PCLO: variants seen among roughly 807,000 people sequenced by gnomAD.
PCLO encodes the protein protein piccolo.
Under a neutral mutation model 427.5 loss-of-function variants are expected in PCLO, and 82 were observed. The ratio of observed to expected loss-of-function variants is 0.19; its 90% CI spans 0.16 to 0.23. The LOEUF is 0.23. Ranked by LOEUF, PCLO falls within the 10% of genes least tolerant of loss-of-function variation. The probability of loss-of-function intolerance (pLI) is 1.00; values close to 1 mark genes in which losing one functional copy is unlikely to be tolerated. For missense variants in PCLO, 6,239 were observed against 6,115.9 expected (o/e 1.02, Z -0.67); for synonymous variants, 2,357 against 2,155.4 (o/e 1.09, Z -2.59).
At position 83,042,613 on chromosome 7, in the gene PCLO, C is replaced by A. The variant is rs369650645; in HGVS notation, c.3301-76126G>T. On this transcript the variant is annotated intron_variant, in intron 3 of 24. Transcript: ENST00000333891. ...CGGTGGCTCAAGCCTGTAATCCCAG[C>A]ACTTTGGGAGGCAGAGGTGGGTGGA... Among the ~76,000 whole-genome samples, 8 of 152,126 alleles carry A rather than the reference C, an allele frequency of 5.3e-5. No individual in the cohort carries two copies. In the East Asian group the frequency reaches 7.7e-4, roughly 15 times the overall value.
At chr7:83,153,311 T>A (rs1792185115) in intron 2 of PCLO, among the ~76,000 whole-genome samples, 1 of 152,032 alleles carries the variant, frequency 6.6e-6, no homozygotes, top group Non-Finnish European at 1.5e-5. Context: ...TGTAGTTTTA[T>A]AAGTAAATGA....
At chr7:82,767,942 C>A (rs73708609) in intron 22 of PCLO, among the ~76,000 whole-genome samples, 9,626 of 149,156 alleles carry the variant, frequency 0.065, 711 homozygotes, top group African/African-American at 0.18. Flanking sequence ...GAGGATATAG[C>A]AATGATTGAG....
intron 3 of PCLO, among the ~76,000 whole-genome samples, chr7:83,099,648 C>G (rs1033687257): frequency 6.6e-6 from 1 of 152,024 alleles, no homozygotes; most frequent in African/African-American, 2.4e-5. Context: ...GCCTCGGCCT[C>G]CTGAAGTGCA....
intron 6 of PCLO, among the ~76,000 whole-genome samples, chr7:82,945,844 T>A (rs1795189798): frequency 6.6e-6 from 1 of 152,176 alleles, no homozygotes; most frequent in Admixed American, 6.5e-5. Context: ...AAACTGGAAT[T>A]TTAAGGACAG....
At chr7:82,989,744 T>C (rs2107832) in intron 3 of PCLO, among the ~76,000 whole-genome samples, 114,243 of 151,952 alleles carry the variant, frequency 0.75, 43,534 homozygotes, top group East Asian at 0.92. Flanking sequence ...AACTGATACA[T>C]TTCTCTTGTG....
Position 82,822,496 on chromosome 7 carries a change from T to C in PCLO, c.14790A>G (p.Pro4930=), listed in dbSNP as rs1791818025. The C allele has an allele frequency of 6.2e-7, 1 of 1,613,738 alleles. No homozygotes were observed. Among genetic ancestry groups the C allele is most frequent in the South Asian group, 1.1e-5 (1 of 91,086 alleles). ...GAGGAATTTATTTGCGTCTTTTACT[T>C]GGTTGAATGCGGAGTTGTTGCACGG... is the stretch of plus-strand genomic sequence containing the variant. ...EAAVQQLRIQ[P]TKPPNHRPAE... is the part of the protein sequence containing the mutation. Residue 4930 remains proline, a splice_region_variant and synonymous_variant, in exon 20 of 25, where the codon CCA becomes CCG. Transcript: ENST00000333891.
At chr7:83,139,076 G>A (rs1334308379) in intron 2 of PCLO, among the ~76,000 whole-genome samples, 2 of 151,720 alleles carry the variant, frequency 1.3e-5, no homozygotes, top group Non-Finnish European at 2.9e-5. Context: ...TATAGATGGC[G>A]GAATTAAAGC....
At chr7:82,839,610 G>A (rs1314469696) in intron 14 of PCLO, among the ~76,000 whole-genome samples, 1 of 152,018 alleles carries the variant, frequency 6.6e-6, no homozygotes, top group African/African-American at 2.4e-5. Flanking sequence ...TTTATTTAAG[G>A]AGAAACACTT....
intron 20 of PCLO, chr7:82,820,598 C>T: frequency 8.1e-7 from 1 of 1,228,946 alleles, no homozygotes; most frequent in Non-Finnish European, 1.0e-6. Flanking sequence ...TTTGTAGGAT[C>T]AAGAGAGAAC....
intron 3 of PCLO, among the ~76,000 whole-genome samples, chr7:83,048,191 A>C (rs371801620): frequency 1.3e-5 from 2 of 151,990 alleles, no homozygotes; most frequent in East Asian, 1.9e-4. Flanking sequence ...TTAGAATTTA[A>C]ATTTCAGATT....
chr7:82,758,518 T>C lies in PCLO; in HGVS notation c.*57A>G, dbSNP rs1790363719. 3.4e-6 allele frequency: 5 copies of C among 1,468,782 alleles called. No individual in the cohort carries two copies. Among genetic ancestry groups the C allele is most frequent in the Non-Finnish European group, 4.6e-6 (5 of 1,075,490 alleles). The allele number at this position is 1,468,782 out of a possible 1,614,324, so 91.0% of individuals were successfully genotyped here. A position where few individuals can be genotyped will look rare whatever the true frequency, so the allele number is the denominator to read the frequency against. ...AGCTTTGTACAATAGTATTCAACTA[T>C]AGTCTTGATGTGAGGCTATTTAGAG... On this transcript the variant is annotated 3_prime_UTR_variant, in exon 25 of 25. Coordinates refer to ENST00000333891, the MANE Select transcript of PCLO (RefSeq NM_033026.6).
chr7:83,159,490 T>C (rs79058982), intron 1 of PCLO, among the ~76,000 whole-genome samples: 13 of 152,104 alleles, frequency 8.5e-5, no homozygotes, highest in African/African-American at 3.1e-4. Flanking sequence ...AAAAAATCCA[T>C]GAGCATTTCA....
Position 82,955,652 on chromosome 7 carries a change from C to A in PCLO, c.5301G>T (p.Leu1767Phe). The A allele has an allele frequency of 6.2e-7, 1 of 1,613,912 alleles. No homozygotes were observed. The highest frequency in any genetic ancestry group is 8.5e-7 in the Non-Finnish European group (1 of 1,179,866). ...KARHRPHGPL[L>F]PTIEDSSEEE... ...CCTCTGAAGAATCTTCAATAGTAGG[C>A]AAAAGAGGGCCATGTGGTCTGTGCC... is the stretch of plus-strand genomic sequence containing the variant. Residue 1767 changes from leucine to phenylalanine, a missense_variant, in exon 5 of 25, where the codon TTG becomes TTT. Physicochemically the swap from Leu to Phe is conservative, Grantham distance 22 (BLOSUM62 0). Transcript: ENST00000333891.
intron 21 of PCLO, 83 bp downstream of exon 21, chr7:82,805,605 C>A (rs1251193446): frequency 7.7e-7 from 1 of 1,306,250 alleles, no homozygotes; most frequent in Non-Finnish European, 1.1e-6. Context: ...GGGTAATTAT[C>A]CAGTTATTTC....
rs753571154 is a variant in PCLO, at chr7:82,952,196, C to G, written c.8757G>C (p.Val2919=). The G allele has an allele frequency of 6.2e-7, 1 of 1,613,718 alleles. No homozygotes were observed. The highest frequency in any genetic ancestry group is 1.1e-5 in the South Asian group (1 of 91,090). Reference sequence around the variant, plus strand: ...TTTCATCTTCTATTATTTTGGTCATCACACTTGAAGTAGACTCATCCATTG... The same window carrying G: ...TTTCATCTTCTATTATTTTGGTCATGACACTTGAAGTAGACTCATCCATTG... The part of the protein sequence containing the change: ...VVTMDESTSS[V]MTKIIEDEKP... The change falls in exon 5 of 25, where the codon GTG becomes GTC. Residue 2919 remains valine (V), a synonymous_variant. Coordinates refer to ENST00000333891, the MANE Select transcript of PCLO (RefSeq NM_033026.6).
chr7:82,974,954 T>G (rs1212221238), intron 3 of PCLO, among the ~76,000 whole-genome samples: 2 of 151,988 alleles, frequency 1.3e-5, no homozygotes, highest in Non-Finnish European at 2.9e-5. Flanking sequence ...AATTTTTGCA[T>G]TTTTAGTAGA....
rs1400268575 is a variant in PCLO, at chr7:82,983,653, A to T, written c.3301-17166T>A. Among the ~76,000 whole-genome samples, 3 of 150,370 alleles carry T rather than the reference A, an allele frequency of 2.0e-5. No individual in the cohort carries two copies. The East Asian group carries it at 5.8e-4, about 29-fold the overall frequency. ...TATGTATATATTATATAGTTATTTA[A>T]AACATGAGTTTATAAAATGTATCAT... is the stretch of plus-strand genomic sequence containing the variant. On this transcript the variant is annotated intron_variant, in intron 3 of 24. Transcript: ENST00000333891.
chr7:82,760,083 G>T (rs1296309942), intron 24 of PCLO, among the ~76,000 whole-genome samples: 1 of 151,950 alleles, frequency 6.6e-6, no homozygotes. Context: ...CAAAGGATTG[G>T]AGGCTTAACA....
intron 9 of PCLO, among the ~76,000 whole-genome samples, chr7:82,882,935 A>C (rs1197761284): frequency 6.6e-6 from 1 of 152,120 alleles, no homozygotes; most frequent in Non-Finnish European, 1.5e-5. Flanking sequence ...ATCACAAAGA[A>C]TGTTTTATTT....
Sources: gnomAD v4.1 joint callset for allele counts (sites outside exome capture counted in the v4.1 genomes callset) on GRCh38, gnomAD v4.1.1 for gene constraint, MANE v1.5 for transcripts, NCBI Gene and HGNC (gene_info 2026-07-23, HGNC 2026-07-21) for gene names.